Variants in CTNNA3 observed in about 807,000 individuals in gnomAD.
CTNNA3 encodes catenin alpha-3.
A neutral mutation model predicts 95.7 loss-of-function variants in CTNNA3; 76 were observed. The ratio of observed to expected loss-of-function variants is 0.79; its 90% CI spans 0.66 to 0.96. The LOEUF is 0.96. CTNNA3 is among the 40% of genes least tolerant of loss of function. The pLI is 0.00. For missense variants in CTNNA3, 1,191 were observed against 1,089.8 expected (o/e 1.09, Z -1.31); for synonymous variants, 431 against 374.4 (o/e 1.15, Z -1.74).
chr10:66,576,068 C>G lies in CTNNA3; in HGVS notation c.1374+45624G>C, dbSNP rs560948070. ...AAGACAGAGAGGTATGGGAGGAAACCGAGCACAAAGCAGTGTGTCCATTGA... is the reference window on the plus strand; with the variant it reads ...AAGACAGAGAGGTATGGGAGGAAACGGAGCACAAAGCAGTGTGTCCATTGA... On this transcript the variant is annotated intron_variant, in intron 10 of 17. Coordinates refer to ENST00000433211, the MANE Select transcript of CTNNA3 (RefSeq NM_013266.4). Among the ~76,000 whole-genome samples the G allele has an allele frequency of 2.8e-4, 43 of 152,092 alleles. No homozygotes were observed. In the South Asian group the frequency reaches 5.6e-3, roughly 20 times the overall value.
intron 7 of CTNNA3, among the ~76,000 whole-genome samples, chr10:67,046,790 G>T (rs1350226232): frequency 6.6e-6 from 1 of 152,136 alleles, no homozygotes; most frequent in African/African-American, 2.4e-5. Context: ...AGCCTGGCAG[G>T]ATATCTTGCC....
intron 10 of CTNNA3, among the ~76,000 whole-genome samples, chr10:66,530,098 C>T (rs765659448): frequency 1.4e-4 from 21 of 152,030 alleles, no homozygotes; most frequent in South Asian, 1.2e-3. Context: ...TTTAATTTTT[C>T]CCAGAGATAG....
intron 12 of CTNNA3, among the ~76,000 whole-genome samples, chr10:66,339,976 A>C (rs764873102): frequency 6.6e-6 from 1 of 151,796 alleles, no homozygotes; most frequent in Non-Finnish European, 1.5e-5. Context: ...GGAGCCTTGC[A>C]GACATCCCTC....
At chr10:67,514,844 A>T (rs1839762701) in intron 5 of CTNNA3, among the ~76,000 whole-genome samples, 1 of 151,950 alleles carries the variant, frequency 6.6e-6, no homozygotes, top group Admixed American at 6.6e-5. Flanking sequence ...AGCTGCCCAC[A>T]ACGCAAACTA....
chr10:67,419,337 A>T (rs1394635363), intron 5 of CTNNA3, among the ~76,000 whole-genome samples: 1 of 151,858 alleles, frequency 6.6e-6, no homozygotes, highest in Admixed American at 6.6e-5. Context: ...TTTTCTTCCA[A>T]TTTTCTTATT....
intron 12 of CTNNA3, among the ~76,000 whole-genome samples, chr10:66,361,104 G>T (rs1327823262): frequency 6.7e-6 from 1 of 150,000 alleles, no homozygotes; most frequent in Non-Finnish European, 1.5e-5. Flanking sequence ...CTGCAGGCAT[G>T]CACCTTCATA....
upstream of CTNNA3, among the ~76,000 whole-genome samples, chr10:67,700,175 A>G (rs1328156043): frequency 6.6e-6 from 1 of 152,234 alleles, no homozygotes; most frequent in Non-Finnish European, 1.5e-5. Flanking sequence ...CTGCCTCTGT[A>G]GGCTCCACCT....
At position 66,662,559 on chromosome 10, in the gene CTNNA3, C is replaced by T. The variant is rs76891407; in HGVS notation, c.1282-40775G>A. Among the ~76,000 whole-genome samples the T allele has an allele frequency of 1.6e-3, 237 of 152,236 alleles. 2 individuals carry two copies. The East Asian group carries it at 0.035, about 23-fold the overall frequency. On this transcript the variant is annotated intron_variant, in intron 9 of 17. Coordinates refer to ENST00000433211, the MANE Select transcript of CTNNA3 (RefSeq NM_013266.4). ...TCTACTTACTTTCTCAACATCTATTCACTCTCTCAGTCTATGCCCATGGCC... is the reference window on the plus strand; with the variant it reads ...TCTACTTACTTTCTCAACATCTATTTACTCTCTCAGTCTATGCCCATGGCC...
intron 5 of CTNNA3, among the ~76,000 whole-genome samples, chr10:67,323,158 TC>T (rs781669795): frequency 2.5e-4 from 38 of 152,178 alleles, no homozygotes; most frequent in Non-Finnish European, 5.6e-4. Flanking sequence ...TGCCTCCCAT[TC>T]TTTAGGTTGT....
At chr10:66,029,269 C>T (rs955727931) in intron 15 of CTNNA3, among the ~76,000 whole-genome samples, 44 of 152,040 alleles carry the variant, frequency 2.9e-4, no homozygotes, top group African/African-American at 9.9e-4. Context: ...AACATCTTTG[C>T]TCAACCCCCG....
chr10:67,031,448 T>C (rs567887433), intron 7 of CTNNA3, among the ~76,000 whole-genome samples: 61 of 152,338 alleles, frequency 4.0e-4, no homozygotes, highest in African/African-American at 1.4e-3. Flanking sequence ...CACTAATGTA[T>C]TGAATTAACA....
At chr10:67,323,212 T>C (rs1249722564) in intron 5 of CTNNA3, among the ~76,000 whole-genome samples, 2 of 152,240 alleles carry the variant, frequency 1.3e-5, no homozygotes, top group African/African-American at 4.8e-5. Flanking sequence ...GCAGAAGCTC[T>C]TTAATTTAAT....
In CTNNA3 at chr10:66,558,454, C is replaced by T. The variant is rs1842456316; in HGVS notation, c.1375-37681G>A. Reference sequence around the variant, plus strand: ...TATTGGGTATTGGAAATCTTTGACACTTTTCTGGGATTCACTGATGGCCTG... The same window carrying T: ...TATTGGGTATTGGAAATCTTTGACATTTTTCTGGGATTCACTGATGGCCTG... On this transcript the variant is annotated intron_variant, in intron 10 of 17. Transcript: ENST00000433211. Among the ~76,000 whole-genome samples the T allele has an allele frequency of 2.6e-5, 4 of 152,046 alleles. No individual in the cohort carries two copies. The South Asian group carries it at 6.2e-4, about 24-fold the overall frequency.
chr10:66,401,304 T>C (rs997953790), intron 11 of CTNNA3, among the ~76,000 whole-genome samples: 2 of 151,970 alleles, frequency 1.3e-5, no homozygotes, highest in Admixed American at 6.6e-5. Context: ...AGGCAGGGGA[T>C]TGTTTGAGGT....
At chr10:66,885,622 T>G (rs988414159) in intron 7 of CTNNA3, among the ~76,000 whole-genome samples, 1 of 152,066 alleles carries the variant, frequency 6.6e-6, no homozygotes, top group African/African-American at 2.4e-5. Flanking sequence ...CCTCCCCAGG[T>G]AACTGTTCTT....
chr10:67,358,512 T>C (rs748449675), intron 5 of CTNNA3, among the ~76,000 whole-genome samples: 9 of 152,076 alleles, frequency 5.9e-5, no homozygotes, highest in Non-Finnish European at 1.2e-4. Context: ...GAAGCCTACA[T>C]AGAGTCCCTG....
intron 7 of CTNNA3, among the ~76,000 whole-genome samples, chr10:66,799,558 C>T (rs1841347410): frequency 6.6e-6 from 1 of 151,362 alleles, no homozygotes; most frequent in South Asian, 2.1e-4. Flanking sequence ...AATATTTAAA[C>T]TGAAGCATTG....
chr10:66,115,050 TGAGTGTTATAGG>T (rs923354775), intron 13 of CTNNA3, among the ~76,000 whole-genome samples: 4 of 152,030 alleles, frequency 2.6e-5, no homozygotes, highest in Non-Finnish European at 2.9e-5. Flanking sequence ...AAACAAGCAA[TGAGTGTTATAGG>T]AAAATCTGCT....
intron 12 of CTNNA3, among the ~76,000 whole-genome samples, chr10:66,372,625 G>C (rs1377141918): frequency 6.6e-6 from 1 of 152,178 alleles, no homozygotes; most frequent in East Asian, 1.9e-4. Flanking sequence ...CTGATATGAA[G>C]AAATACCTGA....
Sources: gnomAD v4.1 joint callset for allele counts (sites outside exome capture counted in the v4.1 genomes callset) on GRCh38, gnomAD v4.1.1 for gene constraint, MANE v1.5 for transcripts, NCBI Gene and HGNC (gene_info 2026-07-23, HGNC 2026-07-21) for gene names.